GBE1: variants seen among roughly 807,000 people sequenced by gnomAD.
The protein encoded by GBE1 is 1,4-alpha-glucan-branching enzyme.
GBE1 carries 70 observed loss-of-function variants against 88.8 expected under a neutral mutation model. The observed-to-expected ratio is 0.79, with a 90% CI of 0.65 to 0.96. The LOEUF (loss-of-function observed/expected upper bound fraction) is 0.96, where lower values mean the gene tolerates loss of function less well. GBE1 is among the 40% of genes least tolerant of loss of function. GBE1 has a pLI of 0.00. For missense variants in GBE1, 872 were observed against 871.0 expected (o/e 1.00, Z -0.01); for synonymous variants, 284 against 300.1 (o/e 0.95, Z 0.56).
intron 7 of GBE1, among the ~76,000 whole-genome samples, chr3:81,607,959 TAAG>T (rs1704125986): frequency 6.6e-6 from 1 of 152,198 alleles, no homozygotes; most frequent in Non-Finnish European, 1.5e-5. Flanking sequence ...AGATCACAGA[TAAG>T]AAGAGCCAGA....
At chr3:81,509,058 T>G (rs1702690401) in intron 14 of GBE1, among the ~76,000 whole-genome samples, 1 of 152,152 alleles carries the variant, frequency 6.6e-6, no homozygotes, top group Admixed American at 6.6e-5. Flanking sequence ...CCTGGCTCAC[T>G]TAAATTGCTG....
chr3:81,498,512 T>G (rs549667747), intron 15 of GBE1, among the ~76,000 whole-genome samples: 1 of 152,300 alleles, frequency 6.6e-6, no homozygotes, highest in Non-Finnish European at 1.5e-5. Flanking sequence ...ACATAGTAGT[T>G]TAAAGCAACA....
At chr3:81,737,299 A>G (rs1160677461) in intron 1 of GBE1, among the ~76,000 whole-genome samples, 1 of 139,376 alleles carries the variant, frequency 7.2e-6, no homozygotes, top group Admixed American at 7.6e-5. Context: ...AAATATTTAT[A>G]TAAATATATA....
At chr3:81,621,002 CAAG>C (rs1243915628) in intron 7 of GBE1, among the ~76,000 whole-genome samples, 1 of 152,174 alleles carries the variant, frequency 6.6e-6, no homozygotes, top group African/African-American at 2.4e-5. Flanking sequence ...ACGCTCTCAG[CAAG>C]AAGGACCTCA....
intron 12 of GBE1, among the ~76,000 whole-genome samples, chr3:81,573,997 C>T (rs1200765997): frequency 1.3e-5 from 2 of 152,132 alleles, no homozygotes; most frequent in Admixed American, 6.5e-5. Flanking sequence ...CACATGAAAG[C>T]TAAGGCTGTT....
At chr3:81,495,877 A>T (rs1702494779) in intron 15 of GBE1, among the ~76,000 whole-genome samples, 1 of 152,226 alleles carries the variant, frequency 6.6e-6, no homozygotes, top group Non-Finnish European at 1.5e-5. Context: ...GAGAGTAAAT[A>T]CATCTACTTC....
chr3:81,521,680 C>T (rs1169242283), intron 14 of GBE1, among the ~76,000 whole-genome samples: 2 of 151,426 alleles, frequency 1.3e-5, no homozygotes, highest in African/African-American at 2.4e-5. Flanking sequence ...ACAATCCTAA[C>T]AGATTAATAA....
chr3:81,714,370 T>A (rs1309731407), intron 1 of GBE1, among the ~76,000 whole-genome samples: 1 of 152,156 alleles, frequency 6.6e-6, no homozygotes, highest in East Asian at 1.9e-4. Context: ...GAAATAAGAA[T>A]AATAATGGAA....
rs145500306 is a variant in GBE1 at position 81,677,534 on chromosome 3, T to C, written c.314-6581A>G. 1.6e-4 allele frequency among the ~76,000 whole-genome samples: 24 copies of C among 152,342 alleles called. 1 individual carries two copies. In the East Asian group the frequency reaches 4.2e-3, roughly 27 times the overall value. On this transcript the variant is annotated intron_variant, in intron 2 of 15. Coordinates refer to ENST00000429644, the MANE Select transcript of GBE1 (RefSeq NM_000158.4). ...GCAAAGGCTTATAAAGATTGAAGTTTGGCTACTTAACTTGTATCAAGGAAG... is the reference window on the plus strand; with the variant it reads ...GCAAAGGCTTATAAAGATTGAAGTTCGGCTACTTAACTTGTATCAAGGAAG...
chr3:81,649,329 A>C (rs1704812226), intron 4 of GBE1, among the ~76,000 whole-genome samples: 1 of 152,136 alleles, frequency 6.6e-6, no homozygotes, highest in African/African-American at 2.4e-5. Flanking sequence ...AATGATTTAA[A>C]AGACAGAAAG....
intron 7 of GBE1, among the ~76,000 whole-genome samples, chr3:81,621,937 C>A (rs948414736): frequency 2.0e-5 from 3 of 152,150 alleles, no homozygotes. Context: ...CTGCAAAAAA[C>A]CAATATACTT....
At chr3:81,593,716 A>C (rs540981938) in intron 8 of GBE1, among the ~76,000 whole-genome samples, 192 bp downstream of exon 8, 103 of 152,292 alleles carry the variant, frequency 6.8e-4, no homozygotes, top group African/African-American at 2.3e-3. Flanking sequence ...TATTCAGCAG[A>C]TATATTTCAA....
chr3:81,737,733 G>A (rs929085282), intron 1 of GBE1, among the ~76,000 whole-genome samples: 7 of 87,200 alleles, frequency 8.0e-5, no homozygotes, highest in South Asian at 5.3e-4. Flanking sequence ...GATTAAAAAT[G>A]TGTGTTTTTT....
intron 15 of GBE1, among the ~76,000 whole-genome samples, chr3:81,492,040 T>C (rs1366786954): frequency 6.6e-6 from 1 of 152,226 alleles, no homozygotes; most frequent in Non-Finnish European, 1.5e-5. Context: ...TTCAAAGTAA[T>C]AGTGATTTAG....
chr3:81,715,859 T>C (rs1283569821), intron 1 of GBE1, among the ~76,000 whole-genome samples: 1 of 152,104 alleles, frequency 6.6e-6, no homozygotes, highest in Non-Finnish European at 1.5e-5. Context: ...AAATAAGAAA[T>C]GAAGATCTCA....
chr3:81,612,478 T>C, intron 7 of GBE1: 1 of 1,025,820 alleles, frequency 9.7e-7, no homozygotes, highest in Non-Finnish European at 1.5e-6. Flanking sequence ...CTTCAAATTC[T>C]GTCACTTCAA....
chr3:81,520,701 C>T (rs1485019720), intron 14 of GBE1, among the ~76,000 whole-genome samples: 1 of 151,460 alleles, frequency 6.6e-6, no homozygotes, highest in Non-Finnish European at 1.5e-5. Context: ...AAATATGAAA[C>T]CTGCCTATTT....
chr3:81,665,730 A>C (rs1388261925), intron 3 of GBE1, among the ~76,000 whole-genome samples: 1 of 152,178 alleles, frequency 6.6e-6, no homozygotes, highest in Non-Finnish European at 1.5e-5. Context: ...GAAAAAACAA[A>C]AACCACATCC....
intron 1 of GBE1, among the ~76,000 whole-genome samples, chr3:81,719,018 T>A (rs779254113): frequency 2.6e-5 from 4 of 152,158 alleles, no homozygotes; most frequent in Admixed American, 1.3e-4. Context: ...ACTTAGCATG[T>A]CTTAAATAAT....
Sources: allele counts gnomAD v4.1 joint callset (sites outside exome capture counted in the v4.1 genomes callset), GRCh38; gene constraint gnomAD v4.1.1; transcripts MANE v1.5; gene names NCBI Gene and HGNC (gene_info 2026-07-23, HGNC 2026-07-21).